The following CHD7 variants were observed in gnomAD, a reference collection of about 807,000 sequenced individuals.
CHD7 encodes chromodomain helicase DNA binding protein 7.
In CHD7, 24 loss-of-function variants were observed where a neutral mutation model predicts 307.3. The ratio of observed to expected loss-of-function variants is 0.08; its 90% CI spans 0.06 to 0.11. CHD7 has a LOEUF of 0.11. Ranked by LOEUF, CHD7 falls within the 10% of genes least tolerant of loss-of-function variation. The pLI, the probability that CHD7 is intolerant of heterozygous loss-of-function variation, is 1.00. For missense variants in CHD7, 3,106 were observed against 3,727.1 expected, an observed-to-expected ratio of 0.83 and a Z score of 4.34; for synonymous variants, 1,363 against 1,349.9, an observed-to-expected ratio of 1.01 and a Z score of -0.21.
At chr8:60,749,698 G>A (rs1385148505) in intron 2 of CHD7, among the ~76,000 whole-genome samples, 4 of 152,142 alleles carry the variant, frequency 2.6e-5, no homozygotes, top group African/African-American at 9.7e-5. Flanking sequence ...CCTCATTGGA[G>A]CAGGTTGCCC....
chr8:60,755,225 T>C (rs1049491212), intron 2 of CHD7, among the ~76,000 whole-genome samples: 7 of 152,246 alleles, frequency 4.6e-5, no homozygotes, highest in African/African-American at 1.7e-4. Flanking sequence ...CAGTGTAATT[T>C]AGTAGCTAAA....
Position 60,845,271 on chromosome 8 carries a change from G to GGGGAAGGAA in CHD7, c.5078_5086dup (p.Arg1693_Gly1695dup). 1 of 1,612,794 alleles carries GGGGAAGGAA rather than the reference G, an allele frequency of 6.2e-7. No homozygotes were observed. Among genetic ancestry groups the GGGGAAGGAA allele is most frequent in the Non-Finnish European group, 8.5e-7 (1 of 1,178,996 alleles). On this transcript the variant is annotated inframe_insertion, in exon 23 of 38. Transcript: ENST00000423902. ...CTAGGTTTGTCAGCTCCTGTGCCAA[G>GGGGAAGGAA]GGGAAGGAAGGGAAAGAAGGTGAAA...
At chr8:60,720,402 A>G (rs150126308) in intron 1 of CHD7, among the ~76,000 whole-genome samples, 1 of 152,302 alleles carries the variant, frequency 6.6e-6, no homozygotes, top group Non-Finnish European at 1.5e-5. Flanking sequence ...CATTCCTTTC[A>G]GTGGTGTATG....
At chr8:60,740,523 T>G (rs1808941044) in intron 1 of CHD7, among the ~76,000 whole-genome samples, 1 of 152,210 alleles carries the variant, frequency 6.6e-6, no homozygotes, top group South Asian at 2.1e-4. Context: ...TGAGTGAAAT[T>G]GGTCGTCTTG....
intron 2 of CHD7, among the ~76,000 whole-genome samples, chr8:60,753,655 C>T (rs865925668): frequency 6.6e-6 from 1 of 151,642 alleles, no homozygotes; most frequent in East Asian, 2.0e-4. Context: ...GAGTCTTGCT[C>T]TGTCGCCCAG....
At chr8:60,691,125 C>A (rs1806172012) in intron 1 of CHD7, among the ~76,000 whole-genome samples, 1 of 152,166 alleles carries the variant, frequency 6.6e-6, no homozygotes, top group African/African-American at 2.4e-5. Context: ...GGGGTTTCGC[C>A]ATGTTGGCCA....
intron 2 of CHD7, among the ~76,000 whole-genome samples, chr8:60,768,673 T>G (rs1302794192): frequency 3.3e-5 from 5 of 152,250 alleles, no homozygotes; most frequent in Admixed American, 3.3e-4. Context: ...AGATTGCTCC[T>G]CAAGTAATTG....
chr8:60,699,637 C>A (rs1806658011), intron 1 of CHD7, among the ~76,000 whole-genome samples: 1 of 151,804 alleles, frequency 6.6e-6, no homozygotes, highest in Admixed American at 6.6e-5. Context: ...CCTCTCAGTA[C>A]TCTTGGATGA....
chr8:60,777,160 G>A (rs1810991680), intron 2 of CHD7, among the ~76,000 whole-genome samples: 1 of 152,092 alleles, frequency 6.6e-6, no homozygotes, highest in South Asian at 2.1e-4. Context: ...GGTCCGCTTG[G>A]TACCATCTTT....
intron 1 of CHD7, among the ~76,000 whole-genome samples, chr8:60,717,138 T>TA (rs1487475873): frequency 6.6e-6 from 1 of 152,010 alleles, no homozygotes; most frequent in East Asian, 1.9e-4. Context: ...TTACTGGTGA[T>TA]ACGTACTTTG....
rs1276525542 is a variant in CHD7 at position 60,741,500 on chromosome 8, G to T, written c.68G>T (p.Gly23Val). The T allele has an allele frequency of 1.2e-6, 2 of 1,612,770 alleles. No individual in the cohort carries two copies. The highest frequency in any genetic ancestry group is 2.2e-5 in the South Asian group (2 of 90,700). The change falls in exon 2 of 38, where the codon GGC becomes GTC. Residue 23 changes from glycine (G) to valine (V), a missense_variant. Gly to Val is a moderately radical substitution (Grantham distance 109). Around this residue, in one of 10 missense-constraint regions of CHD7, gnomAD observed 998 missense variants for 1,004.5 expected, o/e 0.99. Transcript: ENST00000423902. ...AATATTTTCAGTGAAGGTCTTGAAG[G>T]CCTCGGAGAATGTGGTTACCCGGAA... ...DGNIFSEGLE[G>V]LGECGYPENP...
In CHD7 at chr8:60,742,717, A is replaced by C. The variant is rs771200821; in HGVS notation, c.1285A>C (p.Asn429His). ...ACCAATGGAAGTTGGCAGTTATCCA[A>C]ATATGCCCCATCCTCAGCCATCTCA... ...GIPMEVGSYP[N>H]MPHPQPSHQP... is the part of the protein sequence containing the mutation. The change falls in exon 2 of 38, where the codon AAT (asparagine) becomes CAT (histidine). Residue 429 changes from asparagine to histidine, a missense_variant. Physicochemically the swap from Asn to His is moderately conservative, Grantham distance 68 (BLOSUM62 1). Coordinates refer to ENST00000423902, the MANE Select transcript of CHD7 (RefSeq NM_017780.4). The C allele has an allele frequency of 1.1e-5, 18 of 1,613,718 alleles. 2 individuals are homozygous for C. In the South Asian group the frequency reaches 2.0e-4, roughly 18 times the overall value.
chr8:60,721,507 G>A (rs1669112905), intron 1 of CHD7, among the ~76,000 whole-genome samples: 1 of 152,244 alleles, frequency 6.6e-6, no homozygotes, highest in African/African-American at 2.4e-5. Context: ...CTGGCAGACT[G>A]AGATTGTTGG....
chr8:60,795,044 A>G lies in CHD7; in HGVS notation c.2155A>G (p.Thr719Ala). 2 of 1,613,886 alleles carry G rather than the reference A, an allele frequency of 1.2e-6. No homozygotes were observed. The highest frequency in any genetic ancestry group is 1.7e-6 in the Non-Finnish European group (2 of 1,179,812). ...ALKKKVNKGKTEGSENSDLDK... is the reference protein window; with the variant it reads ...ALKKKVNKGKAEGSENSDLDK... ...GAAGAAAAAGGTCAACAAGGGAAAA[A>G]CAGAAGGTTCTGAAAATTCAGACTT... The change falls in exon 4 of 38, where the codon ACA (threonine) becomes GCA (alanine). Residue 719 changes from threonine to alanine, a missense_variant. Physicochemically the swap from Thr to Ala is moderately conservative, Grantham distance 58 (BLOSUM62 0). This residue lies in a region of CHD7 where 998 missense variants were observed against 1,004.5 expected (regional missense o/e 0.99). Transcript: ENST00000423902.
chr8:60,829,614 A>G (rs1804410399), intron 14 of CHD7, among the ~76,000 whole-genome samples: 1 of 152,136 alleles, frequency 6.6e-6, no homozygotes, highest in African/African-American at 2.4e-5. Context: ...AAAAAGGAAA[A>G]GAAAAGAAAA....
intron 1 of CHD7, among the ~76,000 whole-genome samples, chr8:60,722,461 A>T (rs1324105240): frequency 5.3e-5 from 8 of 152,226 alleles, no homozygotes; most frequent in Non-Finnish European, 1.2e-4. Context: ...CAATGTTATC[A>T]ACCAGTAATA....
chr8:60,846,960 G>C (rs530045859), intron 23 of CHD7, among the ~76,000 whole-genome samples: 1 of 152,152 alleles, frequency 6.6e-6, no homozygotes, highest in African/African-American at 2.4e-5. Flanking sequence ...AACCCTTTTG[G>C]TATCTCAGAA....
At chr8:60,864,834 C>A in intron 37 of CHD7, 182 bp from the exon 38 acceptor site, 1 of 648,746 alleles carries the variant, frequency 1.5e-6, no homozygotes, top group Non-Finnish European at 2.6e-6. Flanking sequence ...TGCAGTTCAG[C>A]AAGCTAACAT....
chr8:60,831,459 T>G (rs1332945969), intron 15 of CHD7, among the ~76,000 whole-genome samples: 1 of 151,974 alleles, frequency 6.6e-6, no homozygotes, highest in Non-Finnish European at 1.5e-5. Context: ...ACATAAGAAA[T>G]GCACCTTAGA....
Sources: gnomAD v4.1 joint callset for allele counts (sites outside exome capture counted in the v4.1 genomes callset) on GRCh38, gnomAD v4.1.1 for gene constraint, gnomAD v4.1.1 regional missense constraint, MANE v1.5 for transcripts, NCBI Gene and HGNC (gene_info 2026-07-23, HGNC 2026-07-21) for gene names.